The following TDRD15 variants were observed in gnomAD, a reference collection of about 807,000 sequenced individuals.
TDRD15 encodes the protein tudor domain-containing protein 15.
For synonymous variants in TDRD15, 503 were observed against 314.5 expected (o/e 1.60, Z -6.34); for missense variants, 1,416 against 904.7 (o/e 1.57, Z -7.25).
intron 3 of TDRD15, among the ~76,000 whole-genome samples, chr2:21,136,081 G>C (rs1471576331): frequency 1.3e-5 from 2 of 152,008 alleles, no homozygotes; most frequent in Non-Finnish European, 2.9e-5. Flanking sequence ...AATGATCACA[G>C]GGCCCTTCAG....
intron 1 of TDRD15, among the ~76,000 whole-genome samples, chr2:21,124,738 G>A (rs1359070720): frequency 1.4e-5 from 2 of 145,632 alleles, no homozygotes; most frequent in African/African-American, 2.6e-5. Flanking sequence ...GCCAGGGTGT[G>A]TGTGCGTGTG....
At position 21,137,899 on chromosome 2, in the gene TDRD15, C is replaced by T. The variant is rs1159743847; in HGVS notation, c.432C>T (p.Phe144=). Residue 144 remains phenylalanine, a synonymous_variant, in exon 4 of 4, where the codon TTC becomes TTT. Transcript: ENST00000405799. The stretch of plus-strand genomic sequence containing the variant: ...GGTCCCCTAAAGCTTTGAATTATTT[C>T]AAGTCATTAGTAGGAATACAAGTGA... The part of the protein sequence containing the change: ...EKWSPKALNY[F]KSLVGIQVKG... The T allele has an allele frequency of 7.0e-6, 5 of 715,932 alleles. No homozygotes were observed. Among genetic ancestry groups the T allele is most frequent in the African/African-American group, 1.8e-5 (1 of 57,062 alleles). The allele number at this position is 715,932 out of a possible 1,614,324, so 44.3% of individuals were successfully genotyped here.
Position 21,138,147 on chromosome 2 carries a change from A to C in TDRD15, c.680A>C (p.Gln227Pro). The change falls in exon 4 of 4, where the codon CAG becomes CCG. Residue 227 changes from glutamine to proline, a missense_variant. Coordinates refer to ENST00000405799, the MANE Select transcript of TDRD15 (RefSeq NM_001306137.2). ...LGNKDTSLDIQHVLDKLQPSL... is the reference protein window; with the variant it reads ...LGNKDTSLDIPHVLDKLQPSL... Reference sequence around the variant, plus strand: ...AATAAAGATACTTCACTTGATATTCAGCATGTTCTGGATAAGTTGCAGCCA... The same window carrying C: ...AATAAAGATACTTCACTTGATATTCCGCATGTTCTGGATAAGTTGCAGCCA... 1.4e-6 allele frequency: 1 copy of C among 716,690 alleles called. No individual in the cohort carries two copies. Among genetic ancestry groups the C allele is most frequent in the Non-Finnish European group, 2.6e-6 (1 of 384,456 alleles). The allele number at this position is 716,690 out of a possible 1,614,324, so 44.4% of individuals were successfully genotyped here. A position where few individuals can be genotyped will look rare whatever the true frequency, so the allele number is the denominator to read the frequency against.
At position 21,140,873 on chromosome 2, in the gene TDRD15, A is replaced by T; in HGVS notation, c.3406A>T (p.Lys1136Ter). 1 of 710,656 alleles carries T rather than the reference A, an allele frequency of 1.4e-6. No homozygotes were observed. The highest frequency in any genetic ancestry group is 2.6e-6 in the Non-Finnish European group (1 of 382,372). The allele number at this position is 710,656 out of a possible 1,614,324, so 44.0% of individuals were successfully genotyped here. The change falls in exon 4 of 4, where the codon AAA (lysine) becomes TAA (stop). Residue 1136 changes from lysine to a stop codon, truncating the protein, a stop_gained. Transcript: ENST00000405799. LOFTEE classifies it low-confidence loss of function (END_TRUNC). ...DGSQYINEKI[K>*]VLLHAYGKRH... ...ATCTCAATATATAAATGAGAAAATT[A>T]AAGTGTTGCTTCATGCTTATGGAAA... is the stretch of plus-strand genomic sequence containing the variant.
At chr2:21,133,445 G>T (rs1268561933) in intron 2 of TDRD15, among the ~76,000 whole-genome samples, 1 of 151,914 alleles carries the variant, frequency 6.6e-6, no homozygotes, top group African/African-American at 2.4e-5. Flanking sequence ...TACTTTAGTT[G>T]AAACAACAGT....
chr2:21,130,368 C>G (rs1665692881), intron 2 of TDRD15, among the ~76,000 whole-genome samples: 1 of 152,160 alleles, frequency 6.6e-6, no homozygotes, highest in South Asian at 2.1e-4. Context: ...AAGAGATGGT[C>G]CCTGACTTAC....
downstream of TDRD15, among the ~76,000 whole-genome samples, chr2:21,145,890 A>G (rs529829092): frequency 2.2e-4 from 33 of 152,112 alleles, no homozygotes; most frequent in Admixed American, 5.2e-4. Context: ...AGCATAAAAA[A>G]GGGACTCTAT....
intron 3 of TDRD15, among the ~76,000 whole-genome samples, chr2:21,135,850 G>C (rs1665797711): frequency 6.6e-6 from 1 of 151,968 alleles, no homozygotes; most frequent in African/African-American, 2.4e-5. Flanking sequence ...TATTGTTTGA[G>C]GGAGAGATAG....
At position 21,140,177 on chromosome 2, in the gene TDRD15, G is replaced by A. The variant is rs1490288610; in HGVS notation, c.2710G>A (p.Ala904Thr). The stretch of plus-strand genomic sequence containing the variant: ...AGGGTTATTGACTTGTATCATCTAT[G>A]CCTTAGTTATTATACATCCAAACCA... Reference protein sequence around the residue: ...SRGLLTCIIYALVIIHPNHLY... With the variant: ...SRGLLTCIIYTLVIIHPNHLY... Residue 904 changes from alanine (A) to threonine (T), a missense_variant, in exon 4 of 4, where the codon GCC (alanine) becomes ACC (threonine). Physicochemically the swap from Ala to Thr is moderately conservative, Grantham distance 58. Coordinates refer to ENST00000405799, the MANE Select transcript of TDRD15 (RefSeq NM_001306137.2). 2.8e-6 allele frequency: 2 copies of A among 715,332 alleles called. No homozygotes were observed. The highest frequency in any genetic ancestry group is 4.0e-5 in the Admixed American group (2 of 49,866). The allele number at this position is 715,332 out of a possible 1,614,324, so 44.3% of individuals were successfully genotyped here. A position where few individuals can be genotyped will look rare whatever the true frequency, so the allele number is the denominator to read the frequency against.
At chr2:21,126,939 A>G (rs1346278582) in intron 1 of TDRD15, among the ~76,000 whole-genome samples, 1 of 152,174 alleles carries the variant, frequency 6.6e-6, no homozygotes, top group Non-Finnish European at 1.5e-5. Context: ...TTCTTTCTGA[A>G]GTCTGTGACC....
At chr2:21,124,826 G>T (rs1288344009) in intron 1 of TDRD15, among the ~76,000 whole-genome samples, 2 of 147,792 alleles carry the variant, frequency 1.4e-5, no homozygotes, top group African/African-American at 5.0e-5. Context: ...GGGTGTGTGT[G>T]TGTGTGTGTG....
chr2:21,127,238 A>G (rs1665615662), intron 1 of TDRD15, among the ~76,000 whole-genome samples: 1 of 151,520 alleles, frequency 6.6e-6, no homozygotes, highest in Admixed American at 6.6e-5. Context: ...TTTTGTAAGT[A>G]TTTTCTCACT....
chr2:21,126,703 A>G (rs1295224699), intron 1 of TDRD15, among the ~76,000 whole-genome samples: 2 of 152,054 alleles, frequency 1.3e-5, no homozygotes, highest in East Asian at 1.9e-4. Context: ...GTATTGTTCC[A>G]TTGTTTATTG....
downstream of TDRD15, among the ~76,000 whole-genome samples, chr2:21,144,882 A>C (rs559486471): frequency 2.8e-4 from 42 of 152,104 alleles, 1 homozygote; most frequent in African/African-American, 9.9e-4. Context: ...ATAAGGAATT[A>C]TTTAGACTTA....
rs1180205846 is a variant in TDRD15 at position 21,141,368 on chromosome 2, G to A, written c.3901G>A (p.Val1301Ile). The A allele has an allele frequency of 1.4e-6, 1 of 715,526 alleles. No individual in the cohort carries two copies. The highest frequency in any genetic ancestry group is 2.6e-6 in the Non-Finnish European group (1 of 383,804). The allele number at this position is 715,526 out of a possible 1,614,324, so 44.3% of individuals were successfully genotyped here. A position where few individuals can be genotyped will look rare whatever the true frequency, so the allele number is the denominator to read the frequency against. The stretch of plus-strand genomic sequence containing the variant: ...TTTGAATGCCAAAGTTAAAGGGTAT[G>A]TATCTAATATCAGTAATCCAGCGAA... ...IYLNAKVKGY[V>I]SNISNPANFH... The change falls in exon 4 of 4, where the codon GTA becomes ATA. Residue 1301 changes from valine to isoleucine, a missense_variant. Transcript: ENST00000405799.
In TDRD15 at chr2:21,131,225, G is replaced by T. The variant is rs77220534; in HGVS notation, c.-90+3514G>T. Among the ~76,000 whole-genome samples, 717 of 152,260 alleles carry T rather than the reference G, an allele frequency of 4.7e-3. 2 individuals carry two copies. The highest frequency in any genetic ancestry group is 0.016 in the African/African-American group (678 of 41,524). On this transcript the variant is annotated intron_variant, in intron 2 of 3. Coordinates refer to ENST00000405799, the MANE Select transcript of TDRD15 (RefSeq NM_001306137.2). The stretch of plus-strand genomic sequence containing the variant: ...TGATGACTTTTCTGATGAGATTGCT[G>T]GTGATACCAATCAGTTTTGTTTGGG...
At chr2:21,127,232 G>C (rs1572293714) in intron 1 of TDRD15, among the ~76,000 whole-genome samples, 1 of 151,584 alleles carries the variant, frequency 6.6e-6, no homozygotes, top group South Asian at 2.1e-4. Context: ...TATATGTTTT[G>C]TAAGTATTTT....
At chr2:21,124,639 G>A (rs1388369106) in intron 1 of TDRD15, among the ~76,000 whole-genome samples, 1 of 147,860 alleles carries the variant, frequency 6.8e-6, no homozygotes, top group Non-Finnish European at 1.5e-5. Flanking sequence ...GTGTGACAGA[G>A]TGATCCTAAT....
In TDRD15 at chr2:21,142,597, T is replaced by C. The variant is rs1665957823; in HGVS notation, c.5130T>C (p.Ile1710=). The C allele has an allele frequency of 2.8e-6, 2 of 712,044 alleles. No individual in the cohort carries two copies. The highest frequency in any genetic ancestry group is 5.4e-5 in the East Asian group (2 of 37,170). 44.1% of individuals were successfully genotyped at this position (712,044 alleles called of 1,614,324 possible). The part of the protein sequence containing the change: ...KLRLAEIVYN[I]ESKTPVSSCT... The stretch of plus-strand genomic sequence containing the variant: ...GACTTGCAGAAATTGTTTACAACAT[T>C]GAATCTAAGACTCCTGTATCATCAT... Residue 1710 remains isoleucine (I), a synonymous_variant, in exon 4 of 4, where the codon ATT becomes ATC. Coordinates refer to ENST00000405799, the MANE Select transcript of TDRD15 (RefSeq NM_001306137.2).
Sources: gnomAD v4.1 joint callset for allele counts (sites outside exome capture counted in the v4.1 genomes callset) on GRCh38, gnomAD v4.1.1 for gene constraint, MANE v1.5 for transcripts, NCBI Gene and HGNC (gene_info 2026-07-23, HGNC 2026-07-21) for gene names.